NAGS: variants seen among roughly 807,000 people sequenced by gnomAD.
The protein encoded by NAGS is N-acetylglutamate synthase, mitochondrial.
A neutral mutation model predicts 46.9 loss-of-function variants in NAGS; 34 were observed. The ratio of observed to expected loss-of-function variants is 0.72; its 90% CI spans 0.55 to 0.97. The LOEUF (loss-of-function observed/expected upper bound fraction) is 0.97, where lower values mean the gene tolerates loss of function less well. Ranked by LOEUF, NAGS falls within the 50% of genes least tolerant of loss-of-function variation. NAGS has a pLI of 0.00. For synonymous variants in NAGS, 334 were observed against 346.3 expected (o/e 0.96, Z 0.39); for missense variants, 665 against 747.0 (o/e 0.89, Z 1.28).
At position 44,006,144 on chromosome 17, in the gene NAGS, C is replaced by T; in HGVS notation, c.822C>T (p.Ser274=). The T allele has an allele frequency of 6.2e-7, 1 of 1,613,326 alleles. No homozygotes were observed. Among genetic ancestry groups the T allele is most frequent in the Non-Finnish European group, 8.5e-7 (1 of 1,179,980 alleles). Residue 274 remains serine (S), a synonymous_variant, in exon 3 of 7, where the codon TCC becomes TCT. Coordinates refer to ENST00000293404, the MANE Select transcript of NAGS (RefSeq NM_153006.3). This position sits in a 1 kb window ranked among gnomAD's most constrained non-coding sequence, Gnocchi z 4.8. ...CGCGCCGCTCCGTGCTTCTCGACTC[C>T]CTGGAGGTGACCGCGTCGCTGGCCA... ...TAARRSVLLD[S]LEVTASLAKA... is the part of the protein sequence containing the mutation.
At position 44,006,657 on chromosome 17, in the gene NAGS, GGCC is replaced by G. The variant is rs1289071028; in HGVS notation, c.1046_1048del (p.Ala349del). On this transcript the variant is annotated inframe_deletion, in exon 4 of 7. Coordinates refer to ENST00000293404, the MANE Select transcript of NAGS (RefSeq NM_153006.3). This position sits in a 1 kb window ranked among gnomAD's most constrained non-coding sequence, Gnocchi z 4.8. ...TCAGCCGCCTGCCCCACCACTCCTC[GGCC>G]GTCATCACCGCCGCTAGCACGCTGC... 1 of 1,608,286 alleles carries G rather than the reference GGCC, an allele frequency of 6.2e-7. No homozygotes were observed. The highest frequency in any genetic ancestry group is 2.2e-5 in the East Asian group (1 of 44,856).
In NAGS at chr17:44,007,087, C is replaced by A; in HGVS notation, c.1097-236C>A. The A allele has an allele frequency of 1.7e-6, 1 of 594,948 alleles. No homozygotes were observed. The highest frequency in any genetic ancestry group is 2.8e-5 in the East Asian group (1 of 35,244). 36.9% of individuals were successfully genotyped at this position (594,948 alleles called of 1,614,324 possible). A position where few individuals can be genotyped will look rare whatever the true frequency, so the allele number is the denominator to read the frequency against. On this transcript the variant is annotated intron_variant, in intron 4 of 6. Coordinates refer to ENST00000293404, the MANE Select transcript of NAGS (RefSeq NM_153006.3). This position sits in a 1 kb window ranked among gnomAD's most constrained non-coding sequence, Gnocchi z 5.1. ...ACTTCAAGGAGCGAGGCAAGACTAA[C>A]GGAAGTGGGTGGGGCTCCAGGCGAC...
rs2049067550 is a variant in NAGS, at chr17:44,005,064, C to T, written c.401C>T (p.Ala134Val). Residue 134 changes from alanine to valine, a missense_variant, in exon 1 of 7, where the codon GCG (alanine) becomes GTG (valine). Transcript: ENST00000293404. This position sits in a 1 kb window ranked among gnomAD's most constrained non-coding sequence, Gnocchi z 7.2. Reference protein sequence around the residue: ...LTQFQTCHHSADKPFAVIEVD... With the variant: ...LTQFQTCHHSVDKPFAVIEVD... Reference sequence around the variant, plus strand: ...CAGTTCCAGACCTGCCATCACTCCGCGGACAAGCCCTTCGCCGTCATCGAG... The same window carrying T: ...CAGTTCCAGACCTGCCATCACTCCGTGGACAAGCCCTTCGCCGTCATCGAG... 4 of 1,573,786 alleles carry T rather than the reference C, an allele frequency of 2.5e-6. No homozygotes were observed. The highest frequency in any genetic ancestry group is 3.4e-6 in the Non-Finnish European group (4 of 1,163,964).
Position 44,004,788 on chromosome 17 carries a change from GCACCA to G in NAGS, c.126_130del (p.Thr43ProfsTer251). The G allele has an allele frequency of 1.5e-6, 2 of 1,366,976 alleles. No individual in the cohort carries two copies. Among genetic ancestry groups the G allele is most frequent in the Non-Finnish European group, 1.9e-6 (2 of 1,065,808 alleles). The allele number at this position is 1,366,976 out of a possible 1,614,324, so 84.7% of individuals were successfully genotyped here. On this transcript the variant is annotated frameshift_variant, in exon 1 of 7. Coordinates refer to ENST00000293404, the MANE Select transcript of NAGS (RefSeq NM_153006.3). LOFTEE classifies it high-confidence loss of function. ...GGCGCGCGGCGGCGGGCGGCGAGGG[GCACCA>G]GCCCGGGGCGCCGGCTCAGCACCGC... is the stretch of plus-strand genomic sequence containing the variant.
At position 44,007,651 on chromosome 17, in the gene NAGS, C is replaced by A; in HGVS notation, c.1329C>A (p.Asp443Glu). ...TCCTGGGGGGCACCCCGTACCTGGA[C>A]AAATTTGTGGTGAGCTCCAGCCGCC... ...EPVLGGTPYL[D>E]KFVVSSSRQG... Residue 443 changes from aspartate to glutamate, a missense_variant, in exon 6 of 7, where the codon GAC (aspartate) becomes GAA (glutamate). Physicochemically the swap from Asp to Glu is conservative, Grantham distance 45 (BLOSUM62 2). Transcript: ENST00000293404. This position sits in a 1 kb window ranked among gnomAD's most constrained non-coding sequence, Gnocchi z 5.1. The A allele has an allele frequency of 1.9e-6, 3 of 1,603,158 alleles. No individual in the cohort carries two copies. The highest frequency in any genetic ancestry group is 2.2e-5 in the South Asian group (2 of 89,424).
rs779047196 is a variant in NAGS, at chr17:44,008,586, T to C, written c.1590T>C (p.Ser530=). 1.2e-6 allele frequency: 2 copies of C among 1,614,138 alleles called. No individual in the cohort carries two copies. The highest frequency in any genetic ancestry group is 2.2e-5 in the South Asian group (2 of 91,084). ...CAGACTCCTTTCACAAGCCAGCTTC[T>C]GACCCAGGCAGCTGACCCTCACCAT... The part of the protein sequence containing the change: ...GLPDSFHKPA[S]DPGS Residue 530 remains serine (S), a synonymous_variant, in exon 7 of 7, where the codon TCT becomes TCC. Transcript: ENST00000293404.
In NAGS at chr17:44,007,439, G is replaced by A. The variant is rs767500115; in HGVS notation, c.1213G>A (p.Asp405Asn). 3.1e-6 allele frequency: 5 copies of A among 1,613,824 alleles called. No homozygotes were observed. Among genetic ancestry groups the A allele is most frequent in the African/African-American group, 1.3e-5 (1 of 74,934 alleles). ...VNASFGKKLR[D>N]DYLASLRPRL... is the part of the protein sequence containing the mutation. Reference sequence around the variant, plus strand: ...CGCCAGCTTCGGCAAGAAGCTCAGGGACGACTACCTGGCCTCGCTGCGCCC... The same window carrying A: ...CGCCAGCTTCGGCAAGAAGCTCAGGAACGACTACCTGGCCTCGCTGCGCCC... The change falls in exon 5 of 7, where the codon GAC becomes AAC. Residue 405 changes from aspartate (D) to asparagine (N), a missense_variant. Asp to Asn is a conservative substitution (Grantham distance 23). Transcript: ENST00000293404. The surrounding 1 kb of genome is among the most constrained non-coding windows in gnomAD (Gnocchi z 5.1).
rs1597865436 is a variant in NAGS at position 44,006,337 on chromosome 17, C to T, written c.915+100C>T. On this transcript the variant is annotated intron_variant, in intron 3 of 6. Coordinates refer to ENST00000293404, the MANE Select transcript of NAGS (RefSeq NM_153006.3). The surrounding 1 kb of genome is among the most constrained non-coding windows in gnomAD (Gnocchi z 4.8). ...ACGGGCCGCAGACTCACTAGCAAGC[C>T]GGGTGGGTAGAAAAGCCTAAGGGAG... is the stretch of plus-strand genomic sequence containing the variant. 2 of 1,505,764 alleles carry T rather than the reference C, an allele frequency of 1.3e-6. No individual in the cohort carries two copies. The highest frequency in any genetic ancestry group is 1.8e-6 in the Non-Finnish European group (2 of 1,105,388). The allele number at this position is 1,505,764 out of a possible 1,614,324, so 93.3% of individuals were successfully genotyped here. A position where few individuals can be genotyped will look rare whatever the true frequency, so the allele number is the denominator to read the frequency against.
chr17:44,004,712 C>A lies in NAGS; in HGVS notation c.49C>A (p.Pro17Thr). The change falls in exon 1 of 7, where the codon CCG (proline) becomes ACG (threonine). Residue 17 changes from proline to threonine, a missense_variant. By Grantham distance (38) the Pro-to-Thr change is conservative (BLOSUM62 -1). Transcript: ENST00000293404. ...GGTTCTGCGGGCAGCTGCTGTAGCC[C>A]CGAGGCTGAGAGGCCGGGGAGGCAC... is the stretch of plus-strand genomic sequence containing the variant. The part of the protein sequence containing the change: ...AVVLRAAAVA[P>T]RLRGRGGTGG... 1 of 1,508,294 alleles carries A rather than the reference C, an allele frequency of 6.6e-7. No individual in the cohort carries two copies. The allele number at this position is 1,508,294 out of a possible 1,614,324, so 93.4% of individuals were successfully genotyped here.
chr17:44,006,748 G>A lies in NAGS; in HGVS notation c.1096+39G>A, dbSNP rs1240759110. ...GCGGGCCGGGGACTGGGTCCCGGGA[G>A]TGAGTACTGGCCGGGGCTGGGTGTC... On this transcript the variant is annotated intron_variant, in intron 4 of 6. Coordinates refer to ENST00000293404, the MANE Select transcript of NAGS (RefSeq NM_153006.3). This position sits in a 1 kb window ranked among gnomAD's most constrained non-coding sequence, Gnocchi z 4.8. The A allele has an allele frequency of 2.2e-5, 35 of 1,561,338 alleles. No individual in the cohort carries two copies. Among genetic ancestry groups the A allele is most frequent in the Non-Finnish European group, 3.0e-5 (34 of 1,150,346 alleles).
chr17:44,005,969 G>T lies in NAGS; in HGVS notation c.702-55G>T. 1 of 1,556,014 alleles carries T rather than the reference G, an allele frequency of 6.4e-7. No individual in the cohort carries two copies. Among genetic ancestry groups the T allele is most frequent in the Non-Finnish European group, 8.7e-7 (1 of 1,154,260 alleles). ...CAGAGCGTGCTACTCTGCCCGCCCT[G>T]CCCCGTCCGGCAGGCCTGGAGGGGG... On this transcript the variant is annotated intron_variant, in intron 2 of 6. Transcript: ENST00000293404. This position sits in a 1 kb window ranked among gnomAD's most constrained non-coding sequence, Gnocchi z 7.2.
chr17:44,006,469 G>A lies in NAGS; in HGVS notation c.916-60G>A, dbSNP rs550798774. 2.6e-4 allele frequency: 398 copies of A among 1,542,490 alleles called. 6 individuals carry two copies. The East Asian group carries it at 9.6e-3, about 37-fold the overall frequency. On this transcript the variant is annotated intron_variant, in intron 3 of 6. Coordinates refer to ENST00000293404, the MANE Select transcript of NAGS (RefSeq NM_153006.3). This position sits in a 1 kb window ranked among gnomAD's most constrained non-coding sequence, Gnocchi z 4.8. Reference sequence around the variant, plus strand: ...GGTCAGAGAAAAGAGAGGTCCGTGGGGGTAGGGGGGCAGTCCGTGCCGGCT... The same window carrying A: ...GGTCAGAGAAAAGAGAGGTCCGTGGAGGTAGGGGGGCAGTCCGTGCCGGCT...
chr17:44,008,838 T>G lies in NAGS; in HGVS notation c.*237T>G. The G allele has an allele frequency of 3.4e-6, 2 of 590,244 alleles. No individual in the cohort carries two copies. Among genetic ancestry groups the G allele is most frequent in the East Asian group, 3.0e-5 (1 of 33,880 alleles). The allele number at this position is 590,244 out of a possible 1,614,324, so 36.6% of individuals were successfully genotyped here. ...GACTCACTCTAAAGCTACAACCAAA[T>G]GGCCTTCGATTTTCAACCTGGGGAT... On this transcript the variant is annotated 3_prime_UTR_variant, in exon 7 of 7. Coordinates refer to ENST00000293404, the MANE Select transcript of NAGS (RefSeq NM_153006.3).
In NAGS at chr17:44,006,475, G is replaced by C. The variant is rs2049092995; in HGVS notation, c.916-54G>C. On this transcript the variant is annotated intron_variant, in intron 3 of 6. Coordinates refer to ENST00000293404, the MANE Select transcript of NAGS (RefSeq NM_153006.3). This position sits in a 1 kb window ranked among gnomAD's most constrained non-coding sequence, Gnocchi z 4.8. ...AGAAAAGAGAGGTCCGTGGGGGTAGGGGGGCAGTCCGTGCCGGCTGTGGGC... is the reference window on the plus strand; with the variant it reads ...AGAAAAGAGAGGTCCGTGGGGGTAGCGGGGCAGTCCGTGCCGGCTGTGGGC... The C allele has an allele frequency of 6.5e-6, 10 of 1,545,148 alleles. 1 individual carries two copies. Among genetic ancestry groups the C allele is most frequent in the East Asian group, 2.4e-5 (1 of 40,888 alleles).
Position 44,007,425 on chromosome 17 carries a change from G to C in NAGS, c.1199G>C (p.Gly400Ala), listed in dbSNP as rs201892667. ...RLVDLVNASF[G>A]KKLRDDYLAS... ...GTGGACCTGGTCAACGCCAGCTTCG[G>C]CAAGAAGCTCAGGGACGACTACCTG... is the stretch of plus-strand genomic sequence containing the variant. The change falls in exon 5 of 7, where the codon GGC (glycine) becomes GCC (alanine). Residue 400 changes from glycine to alanine, a missense_variant. By Grantham distance (60) the Gly-to-Ala change is moderately conservative (BLOSUM62 0). Coordinates refer to ENST00000293404, the MANE Select transcript of NAGS (RefSeq NM_153006.3). The surrounding 1 kb of genome is among the most constrained non-coding windows in gnomAD (Gnocchi z 5.1). 10 of 1,613,798 alleles carry C rather than the reference G, an allele frequency of 6.2e-6. No individual in the cohort carries two copies. The Admixed American group carries it at 6.7e-5, about 11-fold the overall frequency.
Position 44,007,124 on chromosome 17 carries a change from G to A in NAGS, c.1097-199G>A, listed in dbSNP as rs2049104397. On this transcript the variant is annotated intron_variant, in intron 4 of 6. Coordinates refer to ENST00000293404, the MANE Select transcript of NAGS (RefSeq NM_153006.3). The surrounding 1 kb of genome is among the most constrained non-coding windows in gnomAD (Gnocchi z 5.1). ...GGGCTCCAGGCGACAGGAGGAACTTGGGGCACAATCTCTGCCTGGGGAAAG... is the reference window on the plus strand; with the variant it reads ...GGGCTCCAGGCGACAGGAGGAACTTAGGGCACAATCTCTGCCTGGGGAAAG... The A allele has an allele frequency of 3.2e-6, 2 of 621,340 alleles. No homozygotes were observed. Among genetic ancestry groups the A allele is most frequent in the East Asian group, 5.6e-5 (2 of 35,756 alleles). The allele number at this position is 621,340 out of a possible 1,614,324, so 38.5% of individuals were successfully genotyped here.
At position 44,007,906 on chromosome 17, in the gene NAGS, AAC is replaced by A. The variant is rs2048056796; in HGVS notation, c.1451+139_1451+140del. 4.3e-6 allele frequency: 4 copies of A among 924,264 alleles called. No individual in the cohort carries two copies. The East Asian group carries it at 1.1e-4, about 24-fold the overall frequency. The allele number at this position is 924,264 out of a possible 1,614,324, so 57.3% of individuals were successfully genotyped here. ...CCCTTTCACTACCTCCCAGGGGCAG[AAC>A]ACACAGAAAGCCTGAGATTTCCCGA... is the stretch of plus-strand genomic sequence containing the variant. On this transcript the variant is annotated intron_variant, in intron 6 of 6. Transcript: ENST00000293404. This position sits in a 1 kb window ranked among gnomAD's most constrained non-coding sequence, Gnocchi z 5.1.
Position 44,006,821 on chromosome 17 carries a change from G to GT in NAGS, c.1096+112_1096+113insT. ...TCCTCCTGTCCAGGAGCCGTAGGGG[G>GT]AGGCGGGGGGTGTCACAGCAATGGC... On this transcript the variant is annotated intron_variant, in intron 4 of 6. Coordinates refer to ENST00000293404, the MANE Select transcript of NAGS (RefSeq NM_153006.3). The surrounding 1 kb of genome is among the most constrained non-coding windows in gnomAD (Gnocchi z 4.8). 2 of 1,193,438 alleles carry GT rather than the reference G, an allele frequency of 1.7e-6. No homozygotes were observed. The highest frequency in any genetic ancestry group is 2.3e-6 in the Non-Finnish European group (2 of 869,240). 73.9% of individuals were successfully genotyped at this position (1,193,438 alleles called of 1,614,324 possible).
At position 44,004,927 on chromosome 17, in the gene NAGS, G is replaced by A. The variant is rs1031309420; in HGVS notation, c.264G>A (p.Val88=). Residue 88 remains valine, a synonymous_variant, in exon 1 of 7, where the codon GTG becomes GTA. Coordinates refer to ENST00000293404, the MANE Select transcript of NAGS (RefSeq NM_153006.3). ...GGGTGCCGAGTCCCAGGCCCCCGGT[G>A]CCCCACGAGTCCCCAGAGCCTCCTT... ...PSWVPSPRPP[V]PHESPEPPSG... is the part of the protein sequence containing the mutation. The A allele has an allele frequency of 6.5e-7, 1 of 1,535,596 alleles. No homozygotes were observed. Among genetic ancestry groups the A allele is most frequent in the Middle Eastern group, 1.7e-4 (1 of 5,848 alleles).
Sources: allele counts gnomAD v4.1 joint callset, GRCh38; gene constraint gnomAD v4.1.1; non-coding constraint Gnocchi (gnomAD v3.1); transcripts MANE v1.5; gene names NCBI Gene and HGNC (gene_info 2026-07-23, HGNC 2026-07-21).